The following LILRB5 variants were observed in gnomAD, a reference collection of about 807,000 sequenced individuals.
The protein encoded by LILRB5 is leukocyte immunoglobulin like receptor B5.
LILRB5 carries 61 observed loss-of-function variants against 68.4 expected under a neutral mutation model. The observed-to-expected ratio is 0.89, with a 90% CI of 0.73 to 1.10. The LOEUF is 1.10. LILRB5 is among the 50% of genes least tolerant of loss of function. LILRB5 has a pLI of 0.00. For synonymous variants in LILRB5, 356 were observed against 315.8 expected, an observed-to-expected ratio of 1.13 and a Z score of -1.35; for missense variants, 771 against 751.6, an observed-to-expected ratio of 1.03 and a Z score of -0.30.
At chr19:54,253,751 G>T in intron 8 of LILRB5, 1 of 1,254,502 alleles carries the variant, frequency 8.0e-7, no homozygotes, top group South Asian at 1.3e-5. Flanking sequence ...CCCCGGAGCT[G>T]CAGGGAAAGA....
intron 6 of LILRB5, 110 bp from the exon 7 acceptor site, chr19:54,254,525 C>A (rs748591687): frequency 4.3e-4 from 581 of 1,364,544 alleles, no homozygotes; most frequent in Non-Finnish European, 5.6e-4. Context: ...CACCTTTCAC[C>A]ATTTGCATCC....
At chr19:54,255,823 C>G (rs1483498115) in intron 4 of LILRB5, 16 of 656,644 alleles carry the variant, frequency 2.4e-5, no homozygotes, top group Admixed American at 9.1e-5. Context: ...GAAATTGCAG[C>G]AAATACACCC....
Position 54,255,447 on chromosome 19 carries a change from A to C in LILRB5, c.791T>G (p.Val264Gly), listed in dbSNP as rs760266316. ...VLYKEGEHDL[V>G]QGSGQQPQAG... ...CTGGGGCTGCTGGCCAGAGCCCTGG[A>C]CGAGGTCATGTTCCCCCTCCTTGTA... The change falls in exon 5 of 13, where the codon GTC becomes GGC. Residue 264 changes from valine to glycine, a missense_variant. By Grantham distance (109) the Val-to-Gly change is moderately radical. Coordinates refer to ENST00000449561, the MANE Select transcript of LILRB5 (RefSeq NM_001081442.3). 3 of 1,613,916 alleles carry C rather than the reference A, an allele frequency of 1.9e-6. No homozygotes were observed. The African/African-American group carries it at 4.0e-5, about 22-fold the overall frequency.
intron 8 of LILRB5, chr19:54,253,781 C>T (rs918752485): frequency 1.7e-5 from 24 of 1,403,470 alleles, no homozygotes; most frequent in South Asian, 1.2e-4. Context: ...CCCCAAACCA[C>T]GGCCCTGCTC....
Position 54,257,209 on chromosome 19 carries a change from T to G in LILRB5, c.-16A>C, listed in dbSNP as rs774413121. 1.2e-6 allele frequency: 2 copies of G among 1,614,140 alleles called. No individual in the cohort carries two copies. Among genetic ancestry groups the G allele is most frequent in the Non-Finnish European group, 1.7e-6 (2 of 1,180,000 alleles). ...TGAGGGTCATGGCGTCAGCTCCCACTGGACTCAGCTGTGCAGGCGGATGAG... is the reference window on the plus strand; with the variant it reads ...TGAGGGTCATGGCGTCAGCTCCCACGGGACTCAGCTGTGCAGGCGGATGAG... On this transcript the variant is annotated 5_prime_UTR_variant, in exon 1 of 13. Transcript: ENST00000449561.
At position 54,256,346 on chromosome 19, in the gene LILRB5, G is replaced by A. The variant is rs1270130650; in HGVS notation, c.356-4C>T. 3 of 1,599,904 alleles carry A rather than the reference G, an allele frequency of 1.9e-6. No homozygotes were observed. The highest frequency in any genetic ancestry group is 2.2e-5 in the East Asian group (1 of 44,692). ...AGAGTGGGTTCTGCATAGAATCCTA[G>A]CAGAGAAGGAGGCACGTCTTAAGTG... On this transcript the variant is annotated splice_region_variant and splice_polypyrimidine_tract_variant and intron_variant, in intron 3 of 12. Transcript: ENST00000449561.
intron 11 of LILRB5, 57 bp from the exon 12 acceptor site, chr19:54,252,163 T>A: frequency 6.3e-7 from 1 of 1,583,568 alleles, no homozygotes; most frequent in South Asian, 1.1e-5. Context: ...GACTTCTCCG[T>A]CCTGCCAGCC....
At chr19:54,255,957 C>A (rs984963995) in intron 4 of LILRB5, 86 bp downstream of exon 4, 2 of 1,116,158 alleles carry the variant, frequency 1.8e-6, no homozygotes, top group South Asian at 3.2e-5. Context: ...CTTCTGGGGT[C>A]CTTGCCATGA....
Position 54,255,014 on chromosome 19 carries a change from GGGC to G in LILRB5, c.973_975del (p.Ala325del), listed in dbSNP as rs1231801781. The G allele has an allele frequency of 6.2e-7, 1 of 1,610,444 alleles. No homozygotes were observed. Among genetic ancestry groups the G allele is most frequent in the Non-Finnish European group, 8.5e-7 (1 of 1,177,818 alleles). On this transcript the variant is annotated inframe_deletion, in exon 6 of 13. Coordinates refer to ENST00000449561, the MANE Select transcript of LILRB5 (RefSeq NM_001081442.3). Reference sequence around the variant, plus strand: ...ACCTTGGGGCCCGGCTGCACCGAGAGGGCGGGTATGTCAGGGATCAGTCCTGGA... The same window carrying G: ...ACCTTGGGGCCCGGCTGCACCGAGAGGGGTATGTCAGGGATCAGTCCTGGA...
At chr19:54,252,456 T>C in intron 10 of LILRB5, 30 bp downstream of exon 10, 3 of 1,613,952 alleles carry the variant, frequency 1.9e-6, no homozygotes, top group Non-Finnish European at 2.5e-6. Context: ...TGCGGGTGGA[T>C]GGGAGTCTTG....
Position 54,256,180 on chromosome 19 carries a change from T to TTGGGGAGCTTCTGTGAGTACAGGGTCC in LILRB5, c.491_517dup (p.Arg164_Pro172dup). On this transcript the variant is annotated inframe_insertion, in exon 4 of 13. Coordinates refer to ENST00000449561, the MANE Select transcript of LILRB5 (RefSeq NM_001081442.3). ...AGGGAACAGGGCCTGGGATGGCCCT[T>TTGGGGAGCTTCTGTGAGTACAGGGTCC]TGGGGAGCTTCTGTGAGTACAGGGT... 3 of 1,613,652 alleles carry TTGGGGAGCTTCTGTGAGTACAGGGTCC rather than the reference T, an allele frequency of 1.9e-6. No homozygotes were observed. The highest frequency in any genetic ancestry group is 1.7e-6 in the Non-Finnish European group (2 of 1,179,870).
chr19:54,254,186 C>A, intron 7 of LILRB5, 118 bp from the exon 8 acceptor site: 1 of 1,502,592 alleles, frequency 6.7e-7, no homozygotes, highest in Admixed American at 2.3e-5. Flanking sequence ...GACGCCCGCC[C>A]CCTCACCGGC....
Position 54,250,768 on chromosome 19 carries a change from A to G in LILRB5, c.*18T>C. The stretch of plus-strand genomic sequence containing the variant: ...TGAGTCTCCTTCTGTTGAGTATGAG[A>G]TCTGGGTCCCCCGTGGGCTAGTGGA... On this transcript the variant is annotated 3_prime_UTR_variant, in exon 13 of 13. Transcript: ENST00000449561. 1 of 1,613,782 alleles carries G rather than the reference A, an allele frequency of 6.2e-7. No individual in the cohort carries two copies. Among genetic ancestry groups the G allele is most frequent in the Non-Finnish European group, 8.5e-7 (1 of 1,179,950 alleles).
In LILRB5 at chr19:54,252,881, G is replaced by C. The variant is rs760486026; in HGVS notation, c.1464C>G (p.His488Gln). The C allele has an allele frequency of 1.2e-6, 2 of 1,602,618 alleles. No individual in the cohort carries two copies. Among genetic ancestry groups the C allele is most frequent in the East Asian group, 2.3e-5 (1 of 43,824 alleles). Residue 488 changes from histidine to glutamine, a missense_variant, in exon 9 of 13, where the codon CAC becomes CAG. By Grantham distance (24) the His-to-Gln change is conservative. Coordinates refer to ENST00000449561, the MANE Select transcript of LILRB5 (RefSeq NM_001081442.3). The stretch of plus-strand genomic sequence containing the variant: ...CCATTCCCTACTCACCCGATGTCCT[G>C]TGTTTGCTCTGATGCCGATGTCGGA... Reference protein sequence around the residue: ...LLLRHRHQSKHRTSAHFYRPA... With the variant: ...LLLRHRHQSKQRTSAHFYRPA...
chr19:54,252,745 A>G, intron 9 of LILRB5, 126 bp downstream of exon 9: 2 of 1,075,814 alleles, frequency 1.9e-6, no homozygotes, highest in Non-Finnish European at 2.7e-6. Flanking sequence ...TTCTCGATCG[A>G]TTTTTCACCT....
At position 54,255,302 on chromosome 19, in the gene LILRB5, C is replaced by T. The variant is rs1258738446; in HGVS notation, c.936G>A (p.Leu312=). Residue 312 remains leucine, a synonymous_variant, in exon 5 of 13, where the codon CTG becomes CTA. Transcript: ENST00000449561. Reference sequence around the variant, plus strand: ...GCTCCTCACCTGCGATCAGGATGTCCAGGGGGTCGCTGGGGGCCGACCACC... The same window carrying T: ...GCTCCTCACCTGCGATCAGGATGTCTAGGGGGTCGCTGGGGGCCGACCACC... The part of the protein sequence containing the change: ...SPRWSAPSDP[L]DILIAGLIPD... 6.2e-7 allele frequency: 1 copy of T among 1,613,352 alleles called. No homozygotes were observed. The highest frequency in any genetic ancestry group is 8.5e-7 in the Non-Finnish European group (1 of 1,179,828).
chr19:54,254,142 C>T (rs1024560209), intron 7 of LILRB5, 74 bp from the exon 8 acceptor site: 61 of 1,546,690 alleles, frequency 3.9e-5, no homozygotes, highest in Non-Finnish European at 5.1e-5. Context: ...CTCCCCCAGG[C>T]TGGGCCCCAA....
rs2078923190 is a variant in LILRB5 at position 54,250,878 on chromosome 19, T to C, written c.1684A>G (p.Thr562Ala). Residue 562 changes from threonine (T) to alanine (A), a missense_variant, in exon 13 of 13, where the codon ACC becomes GCC. Coordinates refer to ENST00000449561, the MANE Select transcript of LILRB5 (RefSeq NM_001081442.3). ...GGCTCAGTTGCCTCCCGTCTGAGGG[T>C]CAAGCTGTGCAGCTGGGCGTAGGTC... The part of the protein sequence containing the change: ...DVTYAQLHSL[T>A]LRREATEPPP... 1.2e-6 allele frequency: 2 copies of C among 1,610,210 alleles called. No individual in the cohort carries two copies. The highest frequency in any genetic ancestry group is 1.4e-5 in the African/African-American group (1 of 73,632).
Position 54,252,406 on chromosome 19 carries a change from G to A in LILRB5, c.1539-3C>T, listed in dbSNP as rs567028226. On this transcript the variant is annotated splice_polypyrimidine_tract_variant and splice_region_variant and intron_variant, in intron 10 of 12. Coordinates refer to ENST00000449561, the MANE Select transcript of LILRB5 (RefSeq NM_001081442.3). ...GGATGTCAGCAACTGGGCTGGCCCTGGGGGAGGACACGGGAGTGTGAGGGG... is the reference window on the plus strand; with the variant it reads ...GGATGTCAGCAACTGGGCTGGCCCTAGGGGAGGACACGGGAGTGTGAGGGG... 9 of 1,614,144 alleles carry A rather than the reference G, an allele frequency of 5.6e-6. No individual in the cohort carries two copies. The highest frequency in any genetic ancestry group is 4.5e-5 in the East Asian group (2 of 44,878).
Sources: gnomAD v4.1 joint callset for allele counts on GRCh38, gnomAD v4.1.1 for gene constraint, MANE v1.5 for transcripts, NCBI Gene and HGNC (gene_info 2026-07-23, HGNC 2026-07-21) for gene names.